CDH3: variants seen among roughly 807,000 people sequenced by gnomAD.
CDH3 encodes the protein cadherin-3.
A neutral mutation model predicts 82.0 loss-of-function variants in CDH3; 54 were observed. The observed-to-expected ratio is 0.66, with a 90% CI of 0.53 to 0.83. The LOEUF (loss-of-function observed/expected upper bound fraction) is 0.83, where lower values mean the gene tolerates loss of function less well. CDH3 is among the 40% of genes least tolerant of loss of function. The probability of loss-of-function intolerance (pLI) is 0.00; values close to 1 mark genes in which losing one functional copy is unlikely to be tolerated. For synonymous variants in CDH3, 446 were observed against 437.9 expected, an observed-to-expected ratio of 1.02 and a Z score of -0.23; for missense variants, 1,054 against 1,084.6, an observed-to-expected ratio of 0.97 and a Z score of 0.40.
chr16:68,727,603 T>C (rs1962232471), downstream of CDH3, among the ~76,000 whole-genome samples: 1 of 152,000 alleles, frequency 6.6e-6, no homozygotes, highest in Non-Finnish European at 1.5e-5. Context: ...TAATGAGTCC[T>C]CATCTCTAAT....
chr16:68,698,091 A>T, intron 15 of CDH3, 100 bp from the exon 16 acceptor site: 1 of 1,040,886 alleles, frequency 9.6e-7, no homozygotes, highest in Non-Finnish European at 1.5e-6. Context: ...CAAAACCTTT[A>T]GGGGAGGGGA....
At chr16:68,648,056 T>A (rs555322014) in intron 2 of CDH3, among the ~76,000 whole-genome samples, 1 of 152,290 alleles carries the variant, frequency 6.6e-6, no homozygotes, top group South Asian at 2.1e-4. Flanking sequence ...TGCTTTATCC[T>A]CCTAACATTC....
At chr16:68,691,357 C>T (rs977878982) in intron 12 of CDH3, among the ~76,000 whole-genome samples, 5 of 152,000 alleles carry the variant, frequency 3.3e-5, no homozygotes, top group African/African-American at 1.2e-4. Context: ...AATGGGTTAG[C>T]TATCTTTTAG....
At chr16:68,688,974 C>T (rs1258104638) in intron 12 of CDH3, among the ~76,000 whole-genome samples, 1 of 152,156 alleles carries the variant, frequency 6.6e-6, no homozygotes, top group Non-Finnish European at 1.5e-5. Flanking sequence ...AAATAAAAAG[C>T]ATAAGCATTA....
rs71148938 is a variant in CDH3 at position 68,719,254 on chromosome 16, GAA to G, written c.100-3160_100-3159del. Among the ~76,000 whole-genome samples, 464 of 143,628 alleles carry G rather than the reference GAA, an allele frequency of 3.2e-3. 1 individual carries two copies. The highest frequency in any genetic ancestry group is 0.014 in the Middle Eastern group (4 of 280). The allele number at this position is 143,628 out of a possible 152,430, so 94.2% of individuals were successfully genotyped here. On this transcript the variant is annotated intron_variant, in intron 1 of 2. Coordinates refer to the CDH3 transcript ENST00000569080. ...AGTGAGACTCCGTCTCAAAAAAAAAGAAAAAAAAAAAAGATAAAAAACGAACT... is the reference window on the plus strand; with the variant it reads ...AGTGAGACTCCGTCTCAAAAAAAAAGAAAAAAAAAAGATAAAAAACGAACT...
At chr16:68,714,737 G>A (rs1228707197) in intron 1 of CDH3, among the ~76,000 whole-genome samples, 2 of 152,056 alleles carry the variant, frequency 1.3e-5, no homozygotes, top group Non-Finnish European at 1.5e-5. Context: ...ATCAAGACAA[G>A]GCCGGGTTCA....
At chr16:68,657,969 G>A (rs764455655) in intron 2 of CDH3, among the ~76,000 whole-genome samples, 28 of 152,074 alleles carry the variant, frequency 1.8e-4, no homozygotes, top group South Asian at 4.1e-4. Flanking sequence ...GGAATTAACC[G>A]TGCCTAAGAG....
chr16:68,717,187 T>C (rs1597829867), intron 1 of CDH3, among the ~76,000 whole-genome samples: 1 of 152,344 alleles, frequency 6.6e-6, no homozygotes, highest in Non-Finnish European at 1.5e-5. Flanking sequence ...AGATCTTTAT[T>C]ACTTGTATAA....
intron 2 of CDH3, among the ~76,000 whole-genome samples, chr16:68,726,929 G>C (rs770469809): frequency 6.6e-6 from 1 of 152,134 alleles, no homozygotes; most frequent in Non-Finnish European, 1.5e-5. Context: ...GTGTCAACTT[G>C]ACTGGATTAA....
chr16:68,717,695 C>G (rs1382734929), intron 1 of CDH3, among the ~76,000 whole-genome samples: 3 of 151,738 alleles, frequency 2.0e-5, no homozygotes, highest in Admixed American at 6.6e-5. Context: ...ATCGCTTGAA[C>G]CTGGGAGTTA....
chr16:68,730,872 T>C (rs1962275040), downstream of CDH3, among the ~76,000 whole-genome samples: 1 of 149,662 alleles, frequency 6.7e-6, no homozygotes, highest in African/African-American at 2.5e-5. Context: ...AATACAAAAT[T>C]AGCCAGGTGT....
chr16:68,679,556 G>A (rs531313093), intron 6 of CDH3, among the ~76,000 whole-genome samples: 8 of 151,960 alleles, frequency 5.3e-5, no homozygotes, highest in African/African-American at 9.6e-5. Context: ...TTAGCCGGGC[G>A]TGGTGGCGGG....
chr16:68,679,884 C>A lies in CDH3; in HGVS notation c.777C>A (p.Ser259Arg). Residue 259 changes from serine (S) to arginine (R), a missense_variant, in exon 7 of 16, where the codon AGC becomes AGA. By Grantham distance (110) the Ser-to-Arg change is moderately radical (BLOSUM62 -1). Transcript: ENST00000264012. ...GGGTGGTTGCTTACTCCATCCATAG[C>A]CAAGAACCAAAGGACCCACACGACC... ...YNGVVAYSIH[S>R]QEPKDPHDLM... The A allele has an allele frequency of 6.2e-7, 1 of 1,613,882 alleles. No homozygotes were observed. The highest frequency in any genetic ancestry group is 8.5e-7 in the Non-Finnish European group (1 of 1,179,820).
chr16:68,703,961 ATAAT>A (rs1159487580), downstream of CDH3, among the ~76,000 whole-genome samples: 2 of 150,186 alleles, frequency 1.3e-5, no homozygotes, highest in East Asian at 2.0e-4. Flanking sequence ...AATAATAATC[ATAAT>A]TAATAAATAA....
intron 1 of CDH3, among the ~76,000 whole-genome samples, chr16:68,712,316 G>A (rs543130059): frequency 2.6e-5 from 4 of 152,054 alleles, no homozygotes; most frequent in African/African-American, 7.2e-5. Flanking sequence ...GATTACAGGC[G>A]TGAGCCATCA....
chr16:68,700,672 C>T (rs904405060), downstream of CDH3, among the ~76,000 whole-genome samples: 1 of 152,206 alleles, frequency 6.6e-6, no homozygotes, highest in Non-Finnish European at 1.5e-5. Flanking sequence ...AGCCACCGTG[C>T]CCGGCCTACA....
intron 2 of CDH3, 75 bp from the exon 3 acceptor site, chr16:68,676,310 G>A (rs2152099044): frequency 1.9e-6 from 2 of 1,025,680 alleles, no homozygotes; most frequent in Non-Finnish European, 3.1e-6. Flanking sequence ...GAGGACTCTT[G>A]TCAGTCTTGT....
Position 68,681,041 on chromosome 16 carries a change from C to T in CDH3, c.941C>T (p.Ala314Val), listed in dbSNP as rs763597773. ...DGDGSTTTAVAVVEILDANDN... is the reference protein window; with the variant it reads ...DGDGSTTTAVVVVEILDANDN... Reference sequence around the variant, plus strand: ...GACGGCTCCACCACCACGGCAGTGGCAGTAGTGGAGATCCTTGATGCCAAT... The same window carrying T: ...GACGGCTCCACCACCACGGCAGTGGTAGTAGTGGAGATCCTTGATGCCAAT... Residue 314 changes from alanine (A) to valine (V), a missense_variant, in exon 8 of 16, where the codon GCA becomes GTA. Ala to Val is a moderately conservative substitution (Grantham distance 64, BLOSUM62 0). Transcript: ENST00000264012. 1 of 1,613,912 alleles carries T rather than the reference C, an allele frequency of 6.2e-7. No homozygotes were observed. Among genetic ancestry groups the T allele is most frequent in the Non-Finnish European group, 8.5e-7 (1 of 1,179,852 alleles).
At chr16:68,715,152 G>A (rs183249950) in intron 1 of CDH3, among the ~76,000 whole-genome samples, 1 of 152,074 alleles carries the variant, frequency 6.6e-6, no homozygotes, top group Admixed American at 6.6e-5. Flanking sequence ...GAGGCCGGGC[G>A]CCATGACTCA....
Sources: allele counts gnomAD v4.1 joint callset (sites outside exome capture counted in the v4.1 genomes callset), GRCh38; gene constraint gnomAD v4.1.1; transcripts MANE v1.5; gene names NCBI Gene and HGNC (gene_info 2026-07-23, HGNC 2026-07-21).